JPH1: variants seen among roughly 807,000 people sequenced by gnomAD.
The protein encoded by JPH1 is junctophilin 1.
JPH1 carries 12 observed loss-of-function variants against 53.6 expected under a neutral mutation model. The observed-to-expected ratio is 0.22, with a 90% CI of 0.14 to 0.36. JPH1 has a LOEUF of 0.36. JPH1 is among the 10% of genes least tolerant of loss of function. The pLI is 1.00. For synonymous variants in JPH1, 375 were observed against 363.8 expected, an observed-to-expected ratio of 1.03 and a Z score of -0.35; for missense variants, 808 against 905.5, an observed-to-expected ratio of 0.89 and a Z score of 1.38.
chr8:74,285,724 C>T (rs1044032259), intron 2 of JPH1, among the ~76,000 whole-genome samples: 1 of 152,218 alleles, frequency 6.6e-6, no homozygotes, highest in Admixed American at 6.5e-5. Flanking sequence ...GCATTATATG[C>T]AACATGTTGC....
intron 2 of JPH1, among the ~76,000 whole-genome samples, chr8:74,272,458 C>T (rs1482365510): frequency 6.6e-6 from 1 of 151,998 alleles, no homozygotes; most frequent in Non-Finnish European, 1.5e-5. Flanking sequence ...CTGCTGGCAA[C>T]AGTAAATTAT....
intron 2 of JPH1, among the ~76,000 whole-genome samples, chr8:74,259,911 A>G (rs1258549289): frequency 6.6e-6 from 1 of 152,274 alleles, no homozygotes; most frequent in Admixed American, 6.5e-5. Context: ...CAATGTAAGA[A>G]TTTGACTAAG....
chr8:74,311,085 C>A (rs1807981488), intron 2 of JPH1, among the ~76,000 whole-genome samples: 1 of 152,158 alleles, frequency 6.6e-6, no homozygotes, highest in Non-Finnish European at 1.5e-5. Context: ...GCCACCACAC[C>A]CGGCTAATTT....
At chr8:74,314,594 C>T (rs1455553593) in intron 2 of JPH1, among the ~76,000 whole-genome samples, 1 of 152,146 alleles carries the variant, frequency 6.6e-6, no homozygotes, top group East Asian at 1.9e-4. Flanking sequence ...CAGTGAACTC[C>T]CTCACGCTGT....
intron 3 of JPH1, among the ~76,000 whole-genome samples, chr8:74,256,341 A>G (rs1806229483): frequency 6.7e-6 from 1 of 150,178 alleles, no homozygotes; most frequent in Non-Finnish European, 1.5e-5. Flanking sequence ...GAATTGATCA[A>G]TGAGAACACA....
intron 4 of JPH1, 104 bp from the exon 5 acceptor site, chr8:74,237,407 T>C (rs1046281186): frequency 1.1e-6 from 1 of 872,744 alleles, no homozygotes; most frequent in Non-Finnish European, 1.9e-6. Flanking sequence ...ATGATTGCAG[T>C]AAATAAGGCA....
Position 74,245,215 on chromosome 8 carries a change from G to T in JPH1, c.1259-40C>A, listed in dbSNP as rs759381449. The T allele has an allele frequency of 4.0e-6, 6 of 1,506,014 alleles. No homozygotes were observed. The South Asian group carries it at 6.9e-5, about 17-fold the overall frequency. 93.3% of individuals were successfully genotyped at this position (1,506,014 alleles called of 1,614,324 possible). ...AAGAAAAAAGAAAAAAAGAAAGGAG[G>T]TATATATACATATATTTTGCTAAAT... On this transcript the variant is annotated intron_variant, in intron 3 of 5. Coordinates refer to ENST00000342232, the MANE Select transcript of JPH1 (RefSeq NM_020647.4).
chr8:74,238,451 T>C (rs1371996868), intron 4 of JPH1, among the ~76,000 whole-genome samples: 1 of 152,188 alleles, frequency 6.6e-6, no homozygotes, highest in African/African-American at 2.4e-5. Flanking sequence ...GCTCTTTCTC[T>C]ATCACAAGGC....
intron 4 of JPH1, among the ~76,000 whole-genome samples, chr8:74,240,744 T>C (rs936564502): frequency 2.0e-5 from 3 of 152,192 alleles, no homozygotes. Flanking sequence ...CAATACAACA[T>C]AGACTTTGGT....
At chr8:74,306,046 C>A (rs143407853) in intron 2 of JPH1, among the ~76,000 whole-genome samples, 1 of 151,908 alleles carries the variant, frequency 6.6e-6, no homozygotes. Flanking sequence ...TCTTTAGAAA[C>A]GAGATATCCT....
At chr8:74,296,860 T>C (rs182533632) in intron 2 of JPH1, among the ~76,000 whole-genome samples, 11 of 152,340 alleles carry the variant, frequency 7.2e-5, no homozygotes, top group Admixed American at 2.0e-4. Flanking sequence ...AATCCCTTCT[T>C]AACCTCCATG....
rs1159715520 is a variant in JPH1 at position 74,237,296 on chromosome 8, T to C, written c.1913A>G (p.Asn638Ser). 1.2e-6 allele frequency: 2 copies of C among 1,611,442 alleles called. No homozygotes were observed. The highest frequency in any genetic ancestry group is 1.7e-6 in the Non-Finnish European group (2 of 1,178,974). ...ALEKEANSGP[N>S]SIMIVLVMLL... ...CATGACAAGGACAATCATGATTGAA[T>C]TAGGGCCCTGAAAATGAAAGAGAAC... Residue 638 changes from asparagine (N) to serine (S), a missense_variant, in exon 5 of 6, where the codon AAT becomes AGT. Coordinates refer to ENST00000342232, the MANE Select transcript of JPH1 (RefSeq NM_020647.4).
At chr8:74,241,395 A>T (rs1037103915) in intron 4 of JPH1, among the ~76,000 whole-genome samples, 2 of 152,222 alleles carry the variant, frequency 1.3e-5, no homozygotes, top group Non-Finnish European at 2.9e-5. Flanking sequence ...AATGAAAAAA[A>T]AATCTGTCTT....
At position 74,259,571 on chromosome 8, in the gene JPH1, T is replaced by C. The variant is rs552605022; in HGVS notation, c.1140-68A>G. On this transcript the variant is annotated intron_variant, in intron 2 of 5. Transcript: ENST00000342232. Reference sequence around the variant, plus strand: ...TGTTACTTACACAGGGACAAGCAAATTGTAATCTGGGAAAAGAAATGTTAA... The same window carrying C: ...TGTTACTTACACAGGGACAAGCAAACTGTAATCTGGGAAAAGAAATGTTAA... 665 of 1,131,954 alleles carry C rather than the reference T, an allele frequency of 5.9e-4. 9 individuals are homozygous for C. The South Asian group carries it at 0.012, about 20-fold the overall frequency. 70.1% of individuals were successfully genotyped at this position (1,131,954 alleles called of 1,614,324 possible). A position where few individuals can be genotyped will look rare whatever the true frequency, so the allele number is the denominator to read the frequency against.
intron 2 of JPH1, among the ~76,000 whole-genome samples, chr8:74,288,328 T>A (rs1250095564): frequency 6.6e-6 from 1 of 152,232 alleles, no homozygotes; most frequent in African/African-American, 2.4e-5. Flanking sequence ...ATTGGCTGTG[T>A]ACTTATTTGT....
intron 4 of JPH1, among the ~76,000 whole-genome samples, chr8:74,240,262 G>A (rs4363184): frequency 0.042 from 6,329 of 152,120 alleles, 456 homozygotes; most frequent in African/African-American, 0.15. Context: ...GTGGGCTACC[G>A]TGCCCAGTTC....
intron 2 of JPH1, among the ~76,000 whole-genome samples, chr8:74,313,012 G>C (rs1436208093): frequency 6.6e-6 from 1 of 152,168 alleles, no homozygotes; most frequent in Non-Finnish European, 1.5e-5. Context: ...AGGGTTTTAT[G>C]ATACTAGCAT....
chr8:74,245,246 T>A, intron 3 of JPH1, 71 bp from the exon 4 acceptor site: 1 of 1,296,256 alleles, frequency 7.7e-7, no homozygotes, highest in Non-Finnish European at 1.0e-6. Context: ...TAAATCAGAT[T>A]AACCTTTTCT....
At chr8:74,273,442 T>G (rs1167956270) in intron 2 of JPH1, among the ~76,000 whole-genome samples, 1 of 152,138 alleles carries the variant, frequency 6.6e-6, no homozygotes, top group Non-Finnish European at 1.5e-5. Flanking sequence ...GAAAAACTAA[T>G]CAACAACAAC....
Sources: gnomAD v4.1 joint callset for allele counts (sites outside exome capture counted in the v4.1 genomes callset) on GRCh38, gnomAD v4.1.1 for gene constraint, MANE v1.5 for transcripts, NCBI Gene and HGNC (gene_info 2026-07-23, HGNC 2026-07-21) for gene names.